Variants in ZNF618 observed in about 807,000 individuals in gnomAD.
The protein encoded by ZNF618 is neural precursor cell expressed, developmentally down-regulated 10.
ZNF618 carries 34 observed loss-of-function variants against 103.0 expected under a neutral mutation model. That is an observed-to-expected ratio of 0.33 (90% CI 0.25 to 0.44). The LOEUF is 0.44. ZNF618 is among the 20% of genes least tolerant of loss of function. ZNF618 has a pLI of 1.00. For missense variants in ZNF618, 1,059 were observed against 1,295.4 expected, an observed-to-expected ratio of 0.82 and a Z score of 2.80; for synonymous variants, 551 against 542.2, an observed-to-expected ratio of 1.02 and a Z score of -0.23.
At chr9:113,915,697 G>A (rs1402505026) in intron 1 of ZNF618, among the ~76,000 whole-genome samples, 1 of 152,132 alleles carries the variant, frequency 6.6e-6, no homozygotes, top group Non-Finnish European at 1.5e-5. Flanking sequence ...GACATAAAAG[G>A]TGTGTGTGGG....
intron 1 of ZNF618, among the ~76,000 whole-genome samples, chr9:113,891,745 A>G (rs1445891392): frequency 6.6e-6 from 1 of 152,204 alleles, no homozygotes; most frequent in African/African-American, 2.4e-5. Context: ...ACAAAATATG[A>G]TGTATTCAGC....
At chr9:114,032,464 C>T (rs547215978) in intron 11 of ZNF618, among the ~76,000 whole-genome samples, 181 bp from the exon 12 acceptor site, 26 of 152,234 alleles carry the variant, frequency 1.7e-4, no homozygotes, top group Middle Eastern at 6.8e-3. Flanking sequence ...TCTCTTGGGG[C>T]CCTGCCAAGG....
At chr9:113,983,418 C>T (rs1839152535) in intron 2 of ZNF618, among the ~76,000 whole-genome samples, 1 of 152,032 alleles carries the variant, frequency 6.6e-6, no homozygotes, top group Non-Finnish European at 1.5e-5. Flanking sequence ...AGGAAGTTGC[C>T]CATGCCTTTG....
chr9:113,939,921 T>C (rs943067632), intron 1 of ZNF618, among the ~76,000 whole-genome samples: 1 of 152,140 alleles, frequency 6.6e-6, no homozygotes, highest in Non-Finnish European at 1.5e-5. Context: ...CATGCTCTTA[T>C]GTTTAATATC....
intron 1 of ZNF618, among the ~76,000 whole-genome samples, chr9:113,887,386 A>G (rs1372441509): frequency 3.9e-5 from 6 of 152,256 alleles, no homozygotes; most frequent in Admixed American, 3.3e-4. Flanking sequence ...AAATCCAACA[A>G]GATGAGCAAA....
intron 1 of ZNF618, among the ~76,000 whole-genome samples, chr9:113,959,824 G>T (rs1836676308): frequency 6.6e-6 from 1 of 152,150 alleles, no homozygotes; most frequent in South Asian, 2.1e-4. Context: ...GGCCAGGCTG[G>T]TCTCGACCTC....
intron 6 of ZNF618, among the ~76,000 whole-genome samples, chr9:114,003,305 T>TGTC (rs1841429373): frequency 6.6e-6 from 1 of 152,208 alleles, no homozygotes; most frequent in African/African-American, 2.4e-5. Flanking sequence ...CAAGCTGGTG[T>TGTC]AGACTAGGAT....
At chr9:113,961,713 A>G (rs1283892290) in intron 1 of ZNF618, among the ~76,000 whole-genome samples, 1 of 152,238 alleles carries the variant, frequency 6.6e-6, no homozygotes, top group Non-Finnish European at 1.5e-5. Context: ...TTTATCATAT[A>G]TTTGGTTTCC....
rs779745682 is a variant in ZNF618 at position 114,028,911 on chromosome 9, C to A, written c.1023C>A (p.Ala341=). The change falls in exon 11 of 15, where the codon GCC becomes GCA. Residue 341 remains alanine, a synonymous_variant. Coordinates refer to ENST00000374126, the MANE Select transcript of ZNF618 (RefSeq NM_001318042.2). ...CATLLHRTPP[A]TQTQTFRTPN... ...CCCTCTTACACCGCACCCCTCCAGC[C>A]ACCCAAACCCAGACGTTCCGCACTC... The A allele has an allele frequency of 1.0e-5, 16 of 1,550,694 alleles. No homozygotes were observed. Among genetic ancestry groups the A allele is most frequent in the Non-Finnish European group, 1.2e-5 (14 of 1,146,910 alleles).
chr9:113,991,614 C>T (rs143528807), intron 3 of ZNF618, among the ~76,000 whole-genome samples: 127 of 152,276 alleles, frequency 8.3e-4, no homozygotes, highest in African/African-American at 3.0e-3. Flanking sequence ...CTGCTTTTTC[C>T]CATCTAAGAA....
intron 1 of ZNF618, among the ~76,000 whole-genome samples, chr9:113,889,587 A>G (rs930764901): frequency 6.6e-6 from 1 of 152,182 alleles, no homozygotes; most frequent in Non-Finnish European, 1.5e-5. Flanking sequence ...CATCAACTCC[A>G]TCTGTCTATG....
rs10627696 is a variant in ZNF618, at chr9:113,889,317, ATCTCTCTCTCTC to A, written c.33+12922_33+12933del. 1.4e-4 allele frequency among the ~76,000 whole-genome samples: 20 copies of A among 139,350 alleles called. 1 individual carries two copies. The highest frequency in any genetic ancestry group is 1.3e-3 in the East Asian group (5 of 3,738). The allele number at this position is 139,350 out of a possible 152,430, so 91.4% of individuals were successfully genotyped here. A position where few individuals can be genotyped will look rare whatever the true frequency, so the allele number is the denominator to read the frequency against. ...TCCTTGGCCCTGTCTCCCCGCTACC[ATCTCTCTCTCTC>A]TCTCTCTCTCTCTCTCTTTCTCTCC... On this transcript the variant is annotated intron_variant, in intron 1 of 14. Transcript: ENST00000374126.
intron 9 of ZNF618, among the ~76,000 whole-genome samples, chr9:114,013,232 AT>A (rs1443878359): frequency 1.3e-5 from 2 of 152,180 alleles, no homozygotes; most frequent in African/African-American, 2.4e-5. Flanking sequence ...TCTTCACAAA[AT>A]TATTTGAAGA....
chr9:113,956,231 A>T (rs1036377975), intron 1 of ZNF618, among the ~76,000 whole-genome samples: 1 of 150,608 alleles, frequency 6.6e-6, no homozygotes, highest in Non-Finnish European at 1.5e-5. Flanking sequence ...AAAAAAAAAA[A>T]AAAAAAAAGA....
chr9:113,891,681 G>C (rs891805272), intron 1 of ZNF618, among the ~76,000 whole-genome samples: 2 of 152,100 alleles, frequency 1.3e-5, no homozygotes, highest in African/African-American at 2.4e-5. Context: ...AGCATTATTT[G>C]CAATACCCAA....
At chr9:113,924,520 C>G (rs1832909921) in intron 1 of ZNF618, among the ~76,000 whole-genome samples, 1 of 144,636 alleles carries the variant, frequency 6.9e-6, no homozygotes, top group African/African-American at 2.6e-5. Context: ...TTAATTTTCT[C>G]TACTCATTTC....
At chr9:113,934,970 T>C (rs939321553) in intron 1 of ZNF618, among the ~76,000 whole-genome samples, 1 of 152,114 alleles carries the variant, frequency 6.6e-6, no homozygotes, top group African/African-American at 2.4e-5. Flanking sequence ...CTCAGCATGG[T>C]TAGGTCATGC....
intron 1 of ZNF618, among the ~76,000 whole-genome samples, chr9:113,940,960 G>C (rs1397846004): frequency 6.6e-6 from 1 of 151,974 alleles, no homozygotes; most frequent in Non-Finnish European, 1.5e-5. Flanking sequence ...CGTAATTTTG[G>C]TTTTGGTTTT....
At chr9:114,001,462 C>G (rs536789724) in intron 4 of ZNF618, among the ~76,000 whole-genome samples, 45 of 152,252 alleles carry the variant, frequency 3.0e-4, no homozygotes, top group African/African-American at 1.0e-3. Context: ...TTCTGCAGAT[C>G]AGCAGACTGA....
Sources: allele counts gnomAD v4.1 joint callset (sites outside exome capture counted in the v4.1 genomes callset), GRCh38; gene constraint gnomAD v4.1.1; transcripts MANE v1.5; gene names NCBI Gene and HGNC (gene_info 2026-07-23, HGNC 2026-07-21).